Variants in DNAH11 observed in about 807,000 individuals in gnomAD.
The protein encoded by DNAH11 is dynein axonemal heavy chain 11.
Under a neutral mutation model 526.0 loss-of-function variants are expected in DNAH11, and 442 were observed. The observed-to-expected ratio is 0.84, with a 90% CI of 0.78 to 0.91. The LOEUF (loss-of-function observed/expected upper bound fraction) is 0.91. Ranked by LOEUF, DNAH11 falls within the 40% of genes least tolerant of loss-of-function variation. DNAH11 has a pLI of 0.00. For missense variants in DNAH11, 6,989 were observed against 5,448.7 expected (o/e 1.28, Z -8.90); for synonymous variants, 2,461 against 1,935.9 (o/e 1.27, Z -7.12).
intron 74 of DNAH11, among the ~76,000 whole-genome samples, chr7:21,874,958 C>G (rs1200788801): frequency 6.6e-6 from 1 of 152,154 alleles, no homozygotes; most frequent in Non-Finnish European, 1.5e-5. Flanking sequence ...CTCTACGAAG[C>G]ATGTTAACAT....
intron 37 of DNAH11, among the ~76,000 whole-genome samples, chr7:21,703,266 G>T (rs1235029334): frequency 2.6e-5 from 4 of 152,178 alleles, no homozygotes; most frequent in Non-Finnish European, 5.9e-5. Flanking sequence ...TGGTTGGTCA[G>T]AGCTACTAGA....
At chr7:21,662,760 C>T (rs1337831346) in intron 30 of DNAH11, among the ~76,000 whole-genome samples, 3 of 152,106 alleles carry the variant, frequency 2.0e-5, no homozygotes, top group African/African-American at 7.2e-5. Context: ...CCCAAACCTT[C>T]TACCCCTCAG....
chr7:21,789,139 T>C (rs1788320665), intron 60 of DNAH11, 102 bp from the exon 61 acceptor site: 1 of 850,004 alleles, frequency 1.2e-6, no homozygotes, highest in African/African-American at 1.7e-5. Context: ...AAAAGAGAAG[T>C]TGCTAGATGA....
chr7:21,681,477 A>G (rs750095525), intron 30 of DNAH11, 69 bp from the exon 31 acceptor site: 15 of 1,488,506 alleles, frequency 1.0e-5, no homozygotes, highest in Non-Finnish European at 1.4e-5. Context: ...TACAAATACG[A>G]AGAATTTGGG....
chr7:21,572,501 C>T (rs1314435338), intron 8 of DNAH11, among the ~76,000 whole-genome samples: 3 of 152,156 alleles, frequency 2.0e-5, no homozygotes, highest in African/African-American at 7.2e-5. Flanking sequence ...CTGTCAGTTC[C>T]AGCATGTTAG....
At chr7:21,668,951 G>A (rs781276529) in intron 30 of DNAH11, among the ~76,000 whole-genome samples, 1 of 152,048 alleles carries the variant, frequency 6.6e-6, no homozygotes, top group African/African-American at 2.4e-5. Context: ...CAATGTAACC[G>A]AATTTCAGTT....
chr7:21,852,404 C>T (rs1327155513), intron 66 of DNAH11, 63 bp from the exon 67 acceptor site: 4 of 742,168 alleles, frequency 5.4e-6, no homozygotes, highest in African/African-American at 3.4e-5. Flanking sequence ...AAGACTTCCT[C>T]TAAAAAAAAA....
chr7:21,835,371 A>G (rs1362589972), intron 65 of DNAH11, among the ~76,000 whole-genome samples: 1 of 152,204 alleles, frequency 6.6e-6, no homozygotes, highest in South Asian at 2.1e-4. Flanking sequence ...TCAACAAAAT[A>G]AAACCAATCA....
chr7:21,774,170 T>C (rs907690710), intron 56 of DNAH11, among the ~76,000 whole-genome samples, 171 bp downstream of exon 56: 9 of 152,150 alleles, frequency 5.9e-5, no homozygotes, highest in Non-Finnish European at 4.4e-5. Context: ...TACAATGGGA[T>C]TGGCCGACTC....
chr7:21,774,731 C>G (rs1416162201), intron 56 of DNAH11, among the ~76,000 whole-genome samples: 1 of 152,128 alleles, frequency 6.6e-6, no homozygotes, highest in African/African-American at 2.4e-5. Flanking sequence ...CATGAGTTGT[C>G]CATGGCACTG....
intron 74 of DNAH11, among the ~76,000 whole-genome samples, chr7:21,873,874 T>A (rs1036719366): frequency 7.4e-6 from 1 of 135,046 alleles, no homozygotes; most frequent in African/African-American, 2.7e-5. Flanking sequence ...CACTGCAACT[T>A]CCACCTCCCG....
chr7:21,705,660 C>A (rs1226636577), intron 39 of DNAH11, 123 bp downstream of exon 39: 7 of 909,718 alleles, frequency 7.7e-6, no homozygotes, highest in Non-Finnish European at 1.2e-5. Context: ...AATTTTGGGT[C>A]AGAATCTGAG....
chr7:21,829,344 A>G (rs559744674), intron 65 of DNAH11, among the ~76,000 whole-genome samples: 20 of 151,910 alleles, frequency 1.3e-4, no homozygotes, highest in Non-Finnish European at 1.6e-4. Flanking sequence ...AATTTCTCCT[A>G]TTCAGAGAAC....
At chr7:21,557,041 T>C (rs534961775) in intron 2 of DNAH11, among the ~76,000 whole-genome samples, 1 of 151,476 alleles carries the variant, frequency 6.6e-6, no homozygotes, top group Non-Finnish European at 1.5e-5. Flanking sequence ...TCAGCCTCAG[T>C]GACAAAGTGA....
chr7:21,770,761 G>C (rs1787403800), intron 55 of DNAH11, among the ~76,000 whole-genome samples: 1 of 152,192 alleles, frequency 6.6e-6, no homozygotes. Context: ...AGAAGTACAG[G>C]AGGGTATGCA....
Position 21,816,506 on chromosome 7 carries a change from A to G in DNAH11, c.10372A>G (p.Met3458Val), listed in dbSNP as rs200758776. The G allele has an allele frequency of 4.7e-5, 76 of 1,611,434 alleles. No homozygotes were observed. The African/African-American group carries it at 7.1e-4, about 15-fold the overall frequency. Residue 3458 changes from methionine (M) to valine (V), a missense_variant, in exon 64 of 82, where the codon ATG becomes GTG. Transcript: ENST00000409508. ...AACCGAAGGCCTGGACTTGATATCC[A>G]TGTTGACGGATGATGCTACAATTGC... is the stretch of plus-strand genomic sequence containing the variant. ...PLTEGLDLIS[M>V]LTDDATIAAW...
chr7:21,626,878 G>C (rs1786365055), intron 25 of DNAH11, among the ~76,000 whole-genome samples: 2 of 150,116 alleles, frequency 1.3e-5, no homozygotes, highest in South Asian at 4.2e-4. Context: ...AGCCTCCCAA[G>C]TAGCTGGGAC....
chr7:21,760,250 A>T (rs1460838347), intron 54 of DNAH11, among the ~76,000 whole-genome samples: 1 of 152,186 alleles, frequency 6.6e-6, no homozygotes. Flanking sequence ...CCAAGAAAGG[A>T]TGTCTCAGAC....
intron 28 of DNAH11, among the ~76,000 whole-genome samples, chr7:21,654,909 G>A (rs371194673): frequency 6.6e-5 from 10 of 152,316 alleles, no homozygotes; most frequent in African/African-American, 2.4e-4. Flanking sequence ...CTCCCCAGAG[G>A]AGGATTGTTC....
Sources: gnomAD v4.1 joint callset for allele counts (sites outside exome capture counted in the v4.1 genomes callset) on GRCh38, gnomAD v4.1.1 for gene constraint, MANE v1.5 for transcripts, NCBI Gene and HGNC (gene_info 2026-07-23, HGNC 2026-07-21) for gene names.